SAR1B: variants seen among roughly 807,000 people sequenced by gnomAD.
SAR1B encodes the protein small COPII coat GTPase SAR1B.
In SAR1B, 23 loss-of-function variants were observed where a neutral mutation model predicts 26.8. That is an observed-to-expected ratio of 0.86 (90% CI 0.62 to 1.22). The LOEUF (loss-of-function observed/expected upper bound fraction) is 1.22. Among genes scored for constraint, SAR1B ranks in the 50% most tolerant of loss-of-function variants. The probability of loss-of-function intolerance (pLI) is 0.00; values close to 1 mark genes in which losing one functional copy is unlikely to be tolerated. For missense variants in SAR1B, 196 were observed against 232.8 expected, an observed-to-expected ratio of 0.84 and a Z score of 1.03; for synonymous variants, 65 against 80.8, an observed-to-expected ratio of 0.80 and a Z score of 1.05.
At chr5:134,616,266 G>C (rs1002083910) in intron 3 of SAR1B, among the ~76,000 whole-genome samples, 2 of 151,700 alleles carry the variant, frequency 1.3e-5, no homozygotes, top group South Asian at 2.1e-4. Flanking sequence ...GTGAAATCCC[G>C]TCTCTACTAA....
At chr5:134,623,848 T>A (rs1465093236) in intron 2 of SAR1B, 114 bp downstream of exon 2, 42 of 749,042 alleles carry the variant, frequency 5.6e-5, no homozygotes, top group Non-Finnish European at 8.7e-5. Flanking sequence ...AAAGCCCATA[T>A]TCTTAACTAT....
At chr5:134,611,087 T>C (rs1580647432) in intron 4 of SAR1B, among the ~76,000 whole-genome samples, 1 of 152,090 alleles carries the variant, frequency 6.6e-6, no homozygotes, top group African/African-American at 2.4e-5. Flanking sequence ...GGTCTTGAAC[T>C]CCTGGCTTCA....
Position 134,605,659 on chromosome 5 carries a change from C to CAAAAAAAAAAAAAAAA in SAR1B, c.*1275_*1290dup, listed in dbSNP as rs1026047463. ...GTCTCTAAAACAAAATGAAACAGAG[C>CAAAAAAAAAAAAAAAA]AAAAAAAAAAAAAAAAAAAAAGCCC... On this transcript the variant is annotated 3_prime_UTR_variant, in exon 7 of 7. Transcript: ENST00000402673. 2.9e-5 allele frequency: 1 copy of CAAAAAAAAAAAAAAAA among 35,022 alleles called. No homozygotes were observed. The highest frequency in any genetic ancestry group is 5.9e-5 in the Non-Finnish European group (1 of 16,906). 2.2% of individuals were successfully genotyped at this position (35,022 alleles called of 1,614,324 possible). A position where few individuals can be genotyped will look rare whatever the true frequency, so the allele number is the denominator to read the frequency against.
chr5:134,632,592 G>T (rs1206026347), intron 1 of SAR1B, 136 bp downstream of exon 1: 1 of 152,478 alleles, frequency 6.6e-6, no homozygotes, highest in Non-Finnish European at 1.5e-5. Context: ...CCTAACCCCG[G>T]GGTGAAAAAC....
rs1765033704 is a variant in SAR1B at position 134,601,547 on chromosome 5, A to G, written c.*5403T>C. 1 of 152,308 alleles carries G rather than the reference A, an allele frequency of 6.6e-6. No homozygotes were observed. Among genetic ancestry groups the G allele is most frequent in the Admixed American group, 6.5e-5 (1 of 15,288 alleles). The allele number at this position is 152,308 out of a possible 1,614,324, so 9.4% of individuals were successfully genotyped here. The stretch of plus-strand genomic sequence containing the variant: ...AAGTAACTTGACTATGTTCACCCTG[A>G]GTGCTCTTGCCTCAGTATGGCAACT... On this transcript the variant is annotated 3_prime_UTR_variant, in exon 7 of 7. Transcript: ENST00000402673.
chr5:134,609,350 A>C (rs906085874), intron 5 of SAR1B, among the ~76,000 whole-genome samples: 1 of 152,196 alleles, frequency 6.6e-6, no homozygotes, highest in East Asian at 1.9e-4. Context: ...GTCTTCATAA[A>C]AGATGTCTGT....
At chr5:134,626,241 C>T (rs10063106) in intron 1 of SAR1B, among the ~76,000 whole-genome samples, 1 of 147,208 alleles carries the variant, frequency 6.8e-6, no homozygotes, top group South Asian at 2.2e-4. Context: ...AGAGGTTGCA[C>T]TGAGCCGAGA....
chr5:134,623,906 T>A lies in SAR1B; in HGVS notation c.58+56A>T. On this transcript the variant is annotated intron_variant, in intron 2 of 6. Transcript: ENST00000402673. ...AAAGAGACTTGACACAGATAAGCAC[T>A]ATTAAATAAATAAGACCAAAGGGGA... 3.4e-6 allele frequency: 4 copies of A among 1,160,724 alleles called. No homozygotes were observed. In the Admixed American group the frequency reaches 6.7e-5, roughly 20 times the overall value. The allele number at this position is 1,160,724 out of a possible 1,614,324, so 71.9% of individuals were successfully genotyped here.
At chr5:134,623,536 A>C (rs968150702) in intron 2 of SAR1B, among the ~76,000 whole-genome samples, 6 of 152,008 alleles carry the variant, frequency 3.9e-5, no homozygotes, top group Non-Finnish European at 8.8e-5. Flanking sequence ...TGCTGGGTAA[A>C]GAAGTCTCAT....
At chr5:134,620,820 T>C (rs1765393504) in intron 3 of SAR1B, 113 bp downstream of exon 3, 5 of 1,254,844 alleles carry the variant, frequency 4.0e-6, no homozygotes, top group Non-Finnish European at 3.5e-6. Flanking sequence ...TACCACTGCA[T>C]TGCAGCCTGG....
At chr5:134,624,127 T>C in intron 1 of SAR1B, 90 bp from the exon 2 acceptor site, 1 of 779,926 alleles carries the variant, frequency 1.3e-6, no homozygotes, top group Non-Finnish European at 2.3e-6. Flanking sequence ...TCTGAGTAGA[T>C]AATCCTACAG....
intron 1 of SAR1B, among the ~76,000 whole-genome samples, chr5:134,626,878 A>G (rs1352569472): frequency 6.6e-6 from 1 of 152,216 alleles, no homozygotes; most frequent in African/African-American, 2.4e-5. Flanking sequence ...GGTGATGTTT[A>G]CACAACAATG....
intron 3 of SAR1B, chr5:134,614,555 A>C (rs966104255): frequency 3.3e-5 from 5 of 152,240 alleles, no homozygotes; most frequent in African/African-American, 4.8e-5. Context: ...TATTTGGCTA[A>C]CAGCATTCTT....
chr5:134,616,626 T>C (rs1015596291), intron 3 of SAR1B, among the ~76,000 whole-genome samples: 3 of 152,220 alleles, frequency 2.0e-5, no homozygotes, highest in African/African-American at 7.2e-5. Context: ...TTAGGCTATT[T>C]AAGATACAGA....
chr5:134,611,651 T>C (rs2150050825), intron 4 of SAR1B, among the ~76,000 whole-genome samples: 1 of 152,256 alleles, frequency 6.6e-6, no homozygotes, highest in East Asian at 1.9e-4. Flanking sequence ...TCCAAACTTG[T>C]TGTAGACATG....
intron 1 of SAR1B, among the ~76,000 whole-genome samples, chr5:134,627,378 C>A (rs1765511509): frequency 6.6e-6 from 1 of 151,628 alleles, no homozygotes; most frequent in Admixed American, 6.6e-5. Flanking sequence ...CAGAGTCTCC[C>A]TCTCACCCAG....
At chr5:134,615,531 C>G (rs936663711) in intron 3 of SAR1B, among the ~76,000 whole-genome samples, 1 of 149,146 alleles carries the variant, frequency 6.7e-6, no homozygotes, top group Non-Finnish European at 1.5e-5. Flanking sequence ...AGAAGAAATT[C>G]TGGGCCGGGG....
At chr5:134,612,984 T>C (rs895352598) in intron 3 of SAR1B, 18 of 521,524 alleles carry the variant, frequency 3.5e-5, no homozygotes, top group African/African-American at 3.1e-4. Flanking sequence ...TCCCACAATT[T>C]AGCCTAAATA....
chr5:134,613,619 T>A (rs1382810616), intron 3 of SAR1B: 1 of 152,224 alleles, frequency 6.6e-6, no homozygotes, highest in African/African-American at 2.4e-5. Context: ...AATGTTAATC[T>A]CTTCAGACAA....
Sources: gnomAD v4.1 joint callset for allele counts (sites outside exome capture counted in the v4.1 genomes callset) on GRCh38, gnomAD v4.1.1 for gene constraint, MANE v1.5 for transcripts, NCBI Gene and HGNC (gene_info 2026-07-23, HGNC 2026-07-21) for gene names.